Variants in DBT observed in about 807,000 individuals in gnomAD.
The protein encoded by DBT is dihydrolipoamide branched chain transacylase E2, also known as lipoamide acyltransferase component of branched-chain alpha-keto acid dehydrogenase complex, mitochondrial.
A neutral mutation model predicts 51.3 loss-of-function variants in DBT; 40 were observed. That is an observed-to-expected ratio of 0.78 (90% CI 0.61 to 1.02). The LOEUF (loss-of-function observed/expected upper bound fraction) is 1.02, where lower values mean the gene tolerates loss of function less well. Ranked by LOEUF, DBT falls within the 50% of genes least tolerant of loss-of-function variation. The pLI is 0.00. For missense variants in DBT, 510 were observed against 580.2 expected (o/e 0.88, Z 1.24); for synonymous variants, 181 against 190.4 (o/e 0.95, Z 0.41).
At position 100,204,614 on chromosome 1, in the gene DBT, A is replaced by G. The variant is rs533553255; in HGVS notation, c.1281+1616T>C. ...ATTAGAAAAAACTACTTTAAATTTT[A>G]TATGGAACCAAAAAAAAAGCCCACA... On this transcript the variant is annotated intron_variant, in intron 10 of 10. Coordinates refer to ENST00000370132, the MANE Select transcript of DBT (RefSeq NM_001918.5). Among the ~76,000 whole-genome samples the G allele has an allele frequency of 3.7e-4, 56 of 152,218 alleles. No homozygotes were observed. In the South Asian group the frequency reaches 0.011, roughly 31 times the overall value.
intron 1 of DBT, among the ~76,000 whole-genome samples, chr1:100,248,101 CA>C (rs1003290152): frequency 0.071 from 5,339 of 75,100 alleles, 90 homozygotes; most frequent in Non-Finnish European, 0.087. Flanking sequence ...GACTCCATTT[CA>C]AAAAAAAAAA....
chr1:100,227,482 A>G (rs566470798), intron 4 of DBT, among the ~76,000 whole-genome samples: 3 of 152,360 alleles, frequency 2.0e-5, no homozygotes, highest in South Asian at 2.1e-4. Context: ...CCAGCTAATA[A>G]TGTTAAAGGA....
intron 10 of DBT, among the ~76,000 whole-genome samples, chr1:100,198,966 G>A (rs1661268522): frequency 1.3e-5 from 2 of 152,176 alleles, no homozygotes; most frequent in Non-Finnish European, 1.5e-5. Context: ...TCTTCTTAAT[G>A]TAGTGACAAT....
chr1:100,229,418 G>A (rs1242679201), intron 4 of DBT, among the ~76,000 whole-genome samples: 6 of 152,168 alleles, frequency 3.9e-5, no homozygotes, highest in South Asian at 4.2e-4. Flanking sequence ...CACCCACCTC[G>A]GCCTCCCAAA....
At position 100,249,806 on chromosome 1, in the gene DBT, A is replaced by G. The variant is rs773817425; in HGVS notation, c.15T>C (p.Arg5=). 2.0e-5 allele frequency: 33 copies of G among 1,614,044 alleles called. No individual in the cohort carries two copies. Among genetic ancestry groups the G allele is most frequent in the Non-Finnish European group, 2.7e-5 (32 of 1,180,034 alleles). The change falls in exon 1 of 11, where the codon CGT becomes CGC. Residue 5 remains arginine, a synonymous_variant. Coordinates refer to ENST00000370132, the MANE Select transcript of DBT (RefSeq NM_001918.5). MAAV[R]MLRTWSRNAG... ...CATTCCTGCTCCAGGTTCTCAGCAT[A>G]CGGACTGCAGCCATCTTACCCCGGA... is the stretch of plus-strand genomic sequence containing the variant.
At chr1:100,243,733 C>A (rs1426114506) in intron 1 of DBT, among the ~76,000 whole-genome samples, 1 of 152,002 alleles carries the variant, frequency 6.6e-6, no homozygotes, top group Non-Finnish European at 1.5e-5. Context: ...GGTCACACAG[C>A]AAATAAGTGG....
At position 100,216,028 on chromosome 1, in the gene DBT, T is replaced by C. The variant is rs754548063; in HGVS notation, c.727A>G (p.Lys243Glu). The C allele has an allele frequency of 2.4e-5, 38 of 1,613,324 alleles. No homozygotes were observed. Among genetic ancestry groups the C allele is most frequent in the Non-Finnish European group, 2.9e-5 (34 of 1,179,366 alleles). ...KDMTVPILVS[K>E]PPVFTGKDKT... ...TCTTTGCCTGTGAATACCGGAGGTT[T>C]TGATACTAGTATAGGAACAGTCATG... The change falls in exon 6 of 11, where the codon AAA (lysine) becomes GAA (glutamate). Residue 243 changes from lysine to glutamate, a missense_variant. Transcript: ENST00000370132.
intron 3 of DBT, among the ~76,000 whole-genome samples, chr1:100,234,441 G>A (rs910028246): frequency 6.7e-6 from 1 of 149,268 alleles, no homozygotes; most frequent in Non-Finnish European, 1.5e-5. Flanking sequence ...TTCAAGACCA[G>A]TATGGTCAAC....
At chr1:100,225,052 T>C (rs568054105) in intron 4 of DBT, among the ~76,000 whole-genome samples, 1,399 of 78,926 alleles carry the variant, frequency 0.018, 102 homozygotes, top group Non-Finnish European at 0.021. Flanking sequence ...AATATATATA[T>C]ACACACACAC....
At chr1:100,220,873 T>C (rs1662820316) in intron 4 of DBT, among the ~76,000 whole-genome samples, 1 of 152,204 alleles carries the variant, frequency 6.6e-6, no homozygotes, top group African/African-American at 2.4e-5. Flanking sequence ...TAATTTTTGT[T>C]GAATTTTCAG....
chr1:100,226,747 C>T (rs1663240508), intron 4 of DBT, among the ~76,000 whole-genome samples: 1 of 152,024 alleles, frequency 6.6e-6, no homozygotes, highest in African/African-American at 2.4e-5. Flanking sequence ...GAGGTGAATC[C>T]CAGAACATCT....
intron 10 of DBT, among the ~76,000 whole-genome samples, chr1:100,198,657 G>A (rs1417796411): frequency 6.6e-6 from 1 of 152,182 alleles, no homozygotes; most frequent in African/African-American, 2.4e-5. Flanking sequence ...TGTTGGAAAA[G>A]AGAATGAGTG....
Position 100,196,166 on chromosome 1 carries a change from A to G in DBT, c.*89T>C. The G allele has an allele frequency of 9.2e-7, 1 of 1,090,658 alleles. No individual in the cohort carries two copies. Among genetic ancestry groups the G allele is most frequent in the South Asian group, 1.3e-5 (1 of 79,000 alleles). The allele number at this position is 1,090,658 out of a possible 1,614,324, so 67.6% of individuals were successfully genotyped here. The stretch of plus-strand genomic sequence containing the variant: ...TCATACGATACAAATCATTTACAAT[A>G]TAAATTGTAAAGATGAACATGTGCT... On this transcript the variant is annotated 3_prime_UTR_variant, in exon 11 of 11. Coordinates refer to ENST00000370132, the MANE Select transcript of DBT (RefSeq NM_001918.5).
chr1:100,230,629 GAAAAAAA>G (rs11394110), intron 4 of DBT, 97 bp downstream of exon 4: 10 of 534,668 alleles, frequency 1.9e-5, no homozygotes. Flanking sequence ...AATAGGAATA[GAAAAAAA>G]AAAAACAAAA....
chr1:100,231,622 C>G (rs886916368), intron 3 of DBT, among the ~76,000 whole-genome samples: 6 of 152,188 alleles, frequency 3.9e-5, no homozygotes, highest in Non-Finnish European at 5.9e-5. Context: ...AACCAGTCCT[C>G]AGCCTATGAT....
chr1:100,242,858 T>C (rs1664300294), intron 1 of DBT, among the ~76,000 whole-genome samples: 1 of 152,222 alleles, frequency 6.6e-6, no homozygotes, highest in South Asian at 2.1e-4. Context: ...ATTAAACTAC[T>C]AGAAGGTCTT....
rs1660688539 is a variant in DBT at position 100,188,890 on chromosome 1, C to G, written c.*7365G>C. 1 of 152,232 alleles carries G rather than the reference C, an allele frequency of 6.6e-6. No homozygotes were observed. Among genetic ancestry groups the G allele is most frequent in the South Asian group, 2.1e-4 (1 of 4,832 alleles). The allele number at this position is 152,232 out of a possible 1,614,324, so 9.4% of individuals were successfully genotyped here. A position where few individuals can be genotyped will look rare whatever the true frequency, so the allele number is the denominator to read the frequency against. On this transcript the variant is annotated 3_prime_UTR_variant, in exon 11 of 11. Coordinates refer to ENST00000370132, the MANE Select transcript of DBT (RefSeq NM_001918.5). ...CTGGCCTGGAGTTCTCTCACACGGT[C>G]TGGCTAGCACAGTAATTTGCTTGTG...
chr1:100,192,717 C>T lies in DBT; in HGVS notation c.*3538G>A, dbSNP rs2101817977. 3 of 152,280 alleles carry T rather than the reference C, an allele frequency of 2.0e-5. No individual in the cohort carries two copies. In the South Asian group the frequency reaches 6.2e-4, roughly 32 times the overall value. 9.4% of individuals were successfully genotyped at this position (152,280 alleles called of 1,614,324 possible). A position where few individuals can be genotyped will look rare whatever the true frequency, so the allele number is the denominator to read the frequency against. On this transcript the variant is annotated 3_prime_UTR_variant, in exon 11 of 11. Coordinates refer to ENST00000370132, the MANE Select transcript of DBT (RefSeq NM_001918.5). ...TTGATCTCTAAAATATAAATTCATA[C>T]CAATTTTAGCTTCCATCCTCAGACT...
In DBT at chr1:100,192,909, C is replaced by A. The variant is rs1660875854; in HGVS notation, c.*3346G>T. 1 of 152,272 alleles carries A rather than the reference C, an allele frequency of 6.6e-6. No individual in the cohort carries two copies. Among genetic ancestry groups the A allele is most frequent in the African/African-American group, 2.4e-5 (1 of 41,452 alleles). The allele number at this position is 152,272 out of a possible 1,614,324, so 9.4% of individuals were successfully genotyped here. A position where few individuals can be genotyped will look rare whatever the true frequency, so the allele number is the denominator to read the frequency against. On this transcript the variant is annotated 3_prime_UTR_variant, in exon 11 of 11. Transcript: ENST00000370132. ...TTAGTAAAGGACTTGAATTTTCTGG[C>A]TTTTCCACTTTAATTCCAACCTCTA...
Sources: allele counts gnomAD v4.1 joint callset (sites outside exome capture counted in the v4.1 genomes callset), GRCh38; gene constraint gnomAD v4.1.1; transcripts MANE v1.5; gene names NCBI Gene and HGNC (gene_info 2026-07-23, HGNC 2026-07-21).